NMI: variants seen among roughly 807,000 people sequenced by gnomAD.
NMI encodes N-myc-interactor.
Under a neutral mutation model 34.3 loss-of-function variants are expected in NMI, and 39 were observed. That is an observed-to-expected ratio of 1.14 (90% CI 0.88 to 1.49). The LOEUF (loss-of-function observed/expected upper bound fraction) is 1.49, where lower values mean the gene tolerates loss of function less well. Ranked by LOEUF, NMI falls within the 40% of genes most tolerant of loss-of-function variation. The pLI is 0.00. For synonymous variants in NMI, 113 were observed against 120.3 expected (o/e 0.94, Z 0.40); for missense variants, 339 against 358.1 (o/e 0.95, Z 0.43).
intron 6 of NMI, among the ~76,000 whole-genome samples, chr2:151,274,888 T>C (rs1005002454): frequency 3.3e-5 from 5 of 151,996 alleles, no homozygotes; most frequent in African/African-American, 1.2e-4. Flanking sequence ...TTTTTTTTAA[T>C]TTTGTTTTTT....
At chr2:151,281,819 A>T in intron 3 of NMI, 129 bp downstream of exon 3, 1 of 649,982 alleles carries the variant, frequency 1.5e-6, no homozygotes, top group South Asian at 1.8e-5. Flanking sequence ...TTCCATTTTG[A>T]ACTATTACAA....
intron 1 of NMI, among the ~76,000 whole-genome samples, chr2:151,285,233 C>T (rs773508146): frequency 1.3e-5 from 2 of 151,966 alleles, no homozygotes; most frequent in Non-Finnish European, 2.9e-5. Flanking sequence ...ATAATAGGAG[C>T]CAAGTTTTTC....
intron 4 of NMI, chr2:151,278,180 T>G (rs1479396798): frequency 1.3e-5 from 2 of 152,270 alleles, no homozygotes; most frequent in East Asian, 3.8e-4. Flanking sequence ...CCCTGAGGTT[T>G]ATAAAGAACC....
At chr2:151,273,835 T>A (rs1683232493) in intron 6 of NMI, among the ~76,000 whole-genome samples, 1 of 152,146 alleles carries the variant, frequency 6.6e-6, no homozygotes, top group African/African-American at 2.4e-5. Context: ...TTTTTTAAAA[T>A]CCAAGATATA....
intron 6 of NMI, among the ~76,000 whole-genome samples, chr2:151,274,160 TGGTGAAACCCCG>T (rs1473989111): frequency 3.4e-4 from 51 of 151,514 alleles, no homozygotes; most frequent in Non-Finnish European, 6.0e-4. Flanking sequence ...CTGACCAACA[TGGTGAAACCCCG>T]TCTCTACCAA....
At chr2:151,272,354 C>T (rs1209180676) in intron 6 of NMI, among the ~76,000 whole-genome samples, 1 of 152,100 alleles carries the variant, frequency 6.6e-6, no homozygotes, top group African/African-American at 2.4e-5. Context: ...AATATACAAC[C>T]ATGTTTTTTA....
rs1683165333 is a variant in NMI at position 151,270,636 on chromosome 2, TCAAA to T, written c.*53_*56del. ...TTAAGGAAAAGCATATTCATTTTTG[TCAAA>T]CATTTACAGTAATCCGGGTTAAAAA... On this transcript the variant is annotated 3_prime_UTR_variant, in exon 8 of 8. Transcript: ENST00000243346. 1 of 1,367,536 alleles carries T rather than the reference TCAAA, an allele frequency of 7.3e-7. No individual in the cohort carries two copies. The highest frequency in any genetic ancestry group is 1.5e-5 in the African/African-American group (1 of 67,902). The allele number at this position is 1,367,536 out of a possible 1,614,324, so 84.7% of individuals were successfully genotyped here.
At chr2:151,288,588 C>CGT (rs1434669267) in intron 1 of NMI, among the ~76,000 whole-genome samples, 2,175 of 128,446 alleles carry the variant, frequency 0.017, 68 homozygotes, top group African/African-American at 0.054. Context: ...TGTGTGTGTG[C>CGT]GCGCGCGCGC....
At chr2:151,276,589 C>G (rs1257141969) in intron 4 of NMI, among the ~76,000 whole-genome samples, 2 of 152,224 alleles carry the variant, frequency 1.3e-5, no homozygotes, top group African/African-American at 4.8e-5. Flanking sequence ...AGAAAGTGTC[C>G]CATGTTCAGT....
intron 2 of NMI, among the ~76,000 whole-genome samples, chr2:151,282,455 G>C (rs1382371349): frequency 6.6e-6 from 1 of 152,172 alleles, no homozygotes; most frequent in Non-Finnish European, 1.5e-5. Context: ...TGGTGTTGTT[G>C]TTGTTTTTGT....
chr2:151,287,266 G>A (rs777202967), intron 1 of NMI, among the ~76,000 whole-genome samples: 5 of 149,186 alleles, frequency 3.4e-5, no homozygotes, highest in East Asian at 1.9e-4. Context: ...GCCTTGAGAC[G>A]ATATATATAT....
At position 151,275,662 on chromosome 2, in the gene NMI, T is replaced by C. The variant is rs1322252648; in HGVS notation, c.456A>G (p.Val152=). ...LNSGVRFQVY[V]EVSKMKINVT... is the part of the protein sequence containing the mutation. ...CATTGATTTTCATTTTAGAAACTTC[T>C]ACATAAACCTGGAAAATGATTTGAT... Residue 152 remains valine, a synonymous_variant, in exon 6 of 8, where the codon GTA becomes GTG. Coordinates refer to ENST00000243346, the MANE Select transcript of NMI (RefSeq NM_004688.3). 1 of 1,613,954 alleles carries C rather than the reference T, an allele frequency of 6.2e-7. No homozygotes were observed. The highest frequency in any genetic ancestry group is 1.7e-5 in the Admixed American group (1 of 60,008).
At chr2:151,283,019 T>C in intron 1 of NMI, 65 bp from the exon 2 acceptor site, 3 of 773,542 alleles carry the variant, frequency 3.9e-6, no homozygotes, top group Non-Finnish European at 5.8e-6. Context: ...AACAAAGAAA[T>C]AAGAACTTTT....
chr2:151,286,621 AC>A (rs34829042), intron 1 of NMI, among the ~76,000 whole-genome samples: 66,050 of 151,820 alleles, frequency 0.44, 14,731 homozygotes, highest in Admixed American at 0.53. Flanking sequence ...CAGAACAATT[AC>A]CTCTAGTCCC....
intron 4 of NMI, among the ~76,000 whole-genome samples, chr2:151,277,041 G>A (rs567872889): frequency 1.7e-4 from 26 of 152,200 alleles, no homozygotes; most frequent in African/African-American, 6.0e-4. Flanking sequence ...TGATATTTGG[G>A]GCTGCTATTC....
chr2:151,279,061 A>G, intron 3 of NMI, 71 bp from the exon 4 acceptor site: 1 of 1,035,272 alleles, frequency 9.7e-7, no homozygotes, highest in South Asian at 1.6e-5. Flanking sequence ...TGATAATGTA[A>G]TTTGGTCATC....
At chr2:151,282,155 A>T in intron 2 of NMI, 112 bp from the exon 3 acceptor site, 1 of 607,540 alleles carries the variant, frequency 1.6e-6, no homozygotes, top group Non-Finnish European at 2.9e-6. Flanking sequence ...GACATTAGAC[A>T]GTCTCAGAAT....
At chr2:151,282,130 T>C in intron 2 of NMI, 87 bp from the exon 3 acceptor site, 1 of 650,026 alleles carries the variant, frequency 1.5e-6, no homozygotes. Flanking sequence ...ATTTCTCTCA[T>C]CCTGACCAAA....
At chr2:151,288,400 A>G (rs1160556139) in intron 1 of NMI, among the ~76,000 whole-genome samples, 3 of 152,190 alleles carry the variant, frequency 2.0e-5, no homozygotes, top group African/African-American at 7.2e-5. Context: ...AGATGGAGGA[A>G]GGGCTGCTGA....
Sources: allele counts gnomAD v4.1 joint callset (sites outside exome capture counted in the v4.1 genomes callset), GRCh38; gene constraint gnomAD v4.1.1; transcripts MANE v1.5; gene names NCBI Gene and HGNC (gene_info 2026-07-23, HGNC 2026-07-21).